EPHA6: variants seen among roughly 807,000 people sequenced by gnomAD.
EPHA6 encodes the protein ephrin type-A receptor 6.
A neutral mutation model predicts 112.0 loss-of-function variants in EPHA6; 50 were observed. The observed-to-expected ratio is 0.45, with a 90% confidence interval of 0.36 to 0.56. The LOEUF is 0.56. Ranked by LOEUF, EPHA6 falls within the 20% of genes least tolerant of loss-of-function variation. The probability of loss-of-function intolerance (pLI) is 0.00; values close to 1 mark genes in which losing one functional copy is unlikely to be tolerated. For missense variants in EPHA6, 1,280 were observed against 1,417.4 expected (o/e 0.90, Z 1.56); for synonymous variants, 529 against 490.7 (o/e 1.08, Z -1.03).
At chr3:97,618,725 C>A (rs532687340) in intron 13 of EPHA6, among the ~76,000 whole-genome samples, 1 of 152,122 alleles carries the variant, frequency 6.6e-6, no homozygotes, top group East Asian at 1.9e-4. Context: ...GAAATTGAAT[C>A]CCTTAACACA....
chr3:97,688,543 G>T (rs2032419683), intron 14 of EPHA6, among the ~76,000 whole-genome samples: 1 of 138,500 alleles, frequency 7.2e-6, no homozygotes, highest in African/African-American at 2.7e-5. Flanking sequence ...CATGGACACA[G>T]GATGGGGAAC....
chr3:96,878,934 T>A (rs770938308), intron 2 of EPHA6, among the ~76,000 whole-genome samples: 16 of 152,050 alleles, frequency 1.1e-4, no homozygotes, highest in Non-Finnish European at 2.2e-4. Context: ...TTGCCATCAA[T>A]AAATATCACT....
chr3:97,540,507 G>T (rs140224077), intron 11 of EPHA6, among the ~76,000 whole-genome samples: 1 of 152,144 alleles, frequency 6.6e-6, no homozygotes, highest in Admixed American at 6.5e-5. Flanking sequence ...TTTATTGGTT[G>T]TCCTTCTAGT....
Position 97,720,688 on chromosome 3 carries a change from A to C in EPHA6, c.2934+278A>C, listed in dbSNP as rs371998041. On this transcript the variant is annotated intron_variant, in intron 15 of 17. Coordinates refer to ENST00000389672, the MANE Select transcript of EPHA6 (RefSeq NM_001080448.3). ...AATGAAGTCTGACTGTGTTTGTGCA[A>C]TAGCCTTGACCTACAAGTAAGACAA... is the stretch of plus-strand genomic sequence containing the variant. Among the ~76,000 whole-genome samples, 14 of 152,328 alleles carry C rather than the reference A, an allele frequency of 9.2e-5. No individual in the cohort carries two copies. In the South Asian group the frequency reaches 2.7e-3, roughly 29 times the overall value.
intron 2 of EPHA6, among the ~76,000 whole-genome samples, chr3:96,981,993 T>G (rs1303976601): frequency 6.6e-6 from 1 of 152,156 alleles, no homozygotes; most frequent in East Asian, 1.9e-4. Flanking sequence ...TGTTGATCTT[T>G]TCAAAAAACC....
chr3:97,027,505 A>G (rs2213259), intron 3 of EPHA6, among the ~76,000 whole-genome samples: 25,249 of 152,162 alleles, frequency 0.17, 2,442 homozygotes, highest in Non-Finnish European at 0.22. Context: ...CTCCAAGGGA[A>G]AAAAAGGAAA....
At chr3:96,825,576 A>G (rs2033602380) in intron 1 of EPHA6, among the ~76,000 whole-genome samples, 1 of 151,824 alleles carries the variant, frequency 6.6e-6, no homozygotes. Flanking sequence ...GAACTTTGGA[A>G]TTGCTGGTGT....
At chr3:97,500,232 T>C (rs1231869887) in intron 10 of EPHA6, among the ~76,000 whole-genome samples, 1 of 152,190 alleles carries the variant, frequency 6.6e-6, no homozygotes, top group Non-Finnish European at 1.5e-5. Context: ...GGATGTGGTA[T>C]GTGTAAGTTC....
chr3:97,556,241 G>C (rs112765151), intron 11 of EPHA6, among the ~76,000 whole-genome samples: 6,187 of 151,960 alleles, frequency 0.041, 189 homozygotes, highest in Middle Eastern at 0.058. Flanking sequence ...GTGCTTCCTC[G>C]TGTGACCCTT....
At chr3:97,422,123 T>G (rs1306481816) in intron 6 of EPHA6, among the ~76,000 whole-genome samples, 1 of 132,140 alleles carries the variant, frequency 7.6e-6, no homozygotes, top group African/African-American at 2.9e-5. Flanking sequence ...ATAGTCATTT[T>G]AAGAATAGTC....
Position 97,522,428 on chromosome 3 carries a change from T to C in EPHA6, c.2201-9930T>C, listed in dbSNP as rs938702268. On this transcript the variant is annotated intron_variant, in intron 10 of 17. Coordinates refer to ENST00000389672, the MANE Select transcript of EPHA6 (RefSeq NM_001080448.3). The stretch of plus-strand genomic sequence containing the variant: ...TGATCATGGTGACTGACTATTTTTA[T>C]GTGCTGTTGAATCTGATTTGCTAGT... Among the ~76,000 whole-genome samples, 6 of 152,144 alleles carry C rather than the reference T, an allele frequency of 3.9e-5. No individual in the cohort carries two copies. In the East Asian group the frequency reaches 9.6e-4, roughly 24 times the overall value.
intron 2 of EPHA6, among the ~76,000 whole-genome samples, chr3:96,986,917 G>A (rs545839233): frequency 6.6e-6 from 1 of 152,120 alleles, no homozygotes; most frequent in South Asian, 2.1e-4. Context: ...CCCTAAGTGC[G>A]TTTTTTATAT....
intron 10 of EPHA6, among the ~76,000 whole-genome samples, chr3:97,506,654 T>G (rs1157089054): frequency 1.3e-5 from 2 of 152,218 alleles, no homozygotes; most frequent in African/African-American, 2.4e-5. Context: ...AGGATTGTCT[T>G]GGCTCTACAG....
intron 11 of EPHA6, among the ~76,000 whole-genome samples, chr3:97,564,890 C>T (rs951813294): frequency 6.6e-6 from 1 of 152,116 alleles, no homozygotes; most frequent in Admixed American, 6.5e-5. Context: ...AAGTAAATAT[C>T]TGGCATATAT....
intron 2 of EPHA6, among the ~76,000 whole-genome samples, chr3:96,931,047 T>C (rs1327148068): frequency 1.4e-5 from 2 of 147,540 alleles, no homozygotes; most frequent in East Asian, 4.0e-4. Flanking sequence ...TGCTTTTTGG[T>C]AGAGCAAGTG....
chr3:97,145,899 G>A (rs577136663), intron 3 of EPHA6, among the ~76,000 whole-genome samples: 283 of 151,254 alleles, frequency 1.9e-3, no homozygotes, highest in Middle Eastern at 3.4e-3. Flanking sequence ...AATTCTTGTC[G>A]CCAAAGTATC....
chr3:97,170,986 A>G (rs1187573423), intron 3 of EPHA6, among the ~76,000 whole-genome samples: 1 of 152,172 alleles, frequency 6.6e-6, no homozygotes, highest in African/African-American at 2.4e-5. Flanking sequence ...CAAAACATGT[A>G]TCACCATAAA....
chr3:97,453,204 C>T (rs900932697), intron 7 of EPHA6, among the ~76,000 whole-genome samples: 8 of 151,498 alleles, frequency 5.3e-5, no homozygotes, highest in Non-Finnish European at 8.9e-5. Flanking sequence ...TGCTTAAATA[C>T]TGAAAAAATA....
intron 10 of EPHA6, among the ~76,000 whole-genome samples, chr3:97,501,192 C>T (rs2107555525): frequency 6.6e-6 from 1 of 152,216 alleles, no homozygotes; most frequent in Non-Finnish European, 1.5e-5. Context: ...TTAATAACTT[C>T]TATTACCCAA....
Sources: allele counts gnomAD v4.1 joint callset (sites outside exome capture counted in the v4.1 genomes callset), GRCh38; gene constraint gnomAD v4.1.1; transcripts MANE v1.5; gene names NCBI Gene and HGNC (gene_info 2026-07-23, HGNC 2026-07-21).